The following GPC5 variants were observed in gnomAD, a reference collection of about 807,000 sequenced individuals.
GPC5 encodes glypican-5.
Under a neutral mutation model 53.9 loss-of-function variants are expected in GPC5, and 47 were observed. That is an observed-to-expected ratio of 0.87 (90% confidence interval 0.69 to 1.11). The LOEUF is 1.11. Among genes scored for constraint, GPC5 ranks in the 50% most tolerant of loss-of-function variants. The pLI, the probability that GPC5 is intolerant of heterozygous loss-of-function variation, is 0.00. For missense variants in GPC5, 748 were observed against 713.1 expected (o/e 1.05, Z -0.56); for synonymous variants, 286 against 263.3 (o/e 1.09, Z -0.84).
chr13:92,409,215 C>A (rs532329405), intron 7 of GPC5, among the ~76,000 whole-genome samples: 6 of 151,544 alleles, frequency 4.0e-5, no homozygotes, highest in African/African-American at 1.5e-4. Flanking sequence ...TAGGTAAGAA[C>A]GAAACCCCAG....
intron 7 of GPC5, among the ~76,000 whole-genome samples, chr13:92,804,948 C>T (rs1294114493): frequency 6.6e-6 from 1 of 152,018 alleles, no homozygotes; most frequent in Non-Finnish European, 1.5e-5. Context: ...TGAAGCAGCT[C>T]CTCATCCGCT....
intron 7 of GPC5, among the ~76,000 whole-genome samples, chr13:92,548,137 C>T (rs1187640618): frequency 1.3e-5 from 2 of 151,860 alleles, no homozygotes; most frequent in African/African-American, 4.8e-5. Context: ...CTGCGCCCGG[C>T]CATGGCTATT....
intron 7 of GPC5, among the ~76,000 whole-genome samples, chr13:92,200,293 C>T (rs964513935): frequency 4.3e-4 from 66 of 152,244 alleles, no homozygotes; most frequent in African/African-American, 1.5e-3. Context: ...CTATTGTGCT[C>T]TTACTTGATG....
chr13:92,515,659 A>G (rs373049), intron 7 of GPC5, among the ~76,000 whole-genome samples: 86,373 of 151,896 alleles, frequency 0.57, 25,305 homozygotes, highest in East Asian at 0.75. Context: ...AATGAATTGA[A>G]TCAATGAACC....
At chr13:92,731,200 A>G (rs1333846535) in intron 7 of GPC5, among the ~76,000 whole-genome samples, 4 of 151,526 alleles carry the variant, frequency 2.6e-5, no homozygotes, top group Admixed American at 6.6e-5. Context: ...TGCTTATATT[A>G]AGTAAAAACA....
At chr13:92,591,276 A>G (rs1883703594) in intron 7 of GPC5, among the ~76,000 whole-genome samples, 1 of 152,092 alleles carries the variant, frequency 6.6e-6, no homozygotes, top group African/African-American at 2.4e-5. Flanking sequence ...ATGACTGGGT[A>G]CATTGACTGG....
At chr13:92,068,965 TG>T (rs2041188692) in intron 6 of GPC5, among the ~76,000 whole-genome samples, 1 of 151,946 alleles carries the variant, frequency 6.6e-6, no homozygotes, top group Non-Finnish European at 1.5e-5. Context: ...TCTAAGGTCA[TG>T]AAGATTTTGC....
intron 7 of GPC5, among the ~76,000 whole-genome samples, chr13:92,640,581 T>C (rs1348461543): frequency 1.3e-5 from 2 of 152,052 alleles, no homozygotes; most frequent in Non-Finnish European, 2.9e-5. Flanking sequence ...TTAATACCTG[T>C]CCCTACTGAA....
chr13:91,819,836 A>G (rs2038462566), intron 5 of GPC5, among the ~76,000 whole-genome samples: 1 of 152,162 alleles, frequency 6.6e-6, no homozygotes, highest in Admixed American at 6.5e-5. Flanking sequence ...GCCTTTTGAT[A>G]TGGTTGTATC....
At chr13:92,243,773 T>TTGGGTTGTCTATAGATACTTTTTAA (rs1211579632) in intron 7 of GPC5, among the ~76,000 whole-genome samples, 9 of 152,244 alleles carry the variant, frequency 5.9e-5, no homozygotes, top group South Asian at 2.1e-4. Flanking sequence ...AAGATATAAA[T>TTGGGTTGTCTATAGATACTTTTTAA]TGGGTTGTCT....
intron 6 of GPC5, among the ~76,000 whole-genome samples, chr13:92,004,491 A>ATATATATATAG (rs1555303852): frequency 1.4e-5 from 1 of 69,768 alleles, no homozygotes; most frequent in Non-Finnish European, 2.9e-5. Context: ...TATATATATA[A>ATATATATATAG]TTACACTATA....
At chr13:91,437,657 G>A (rs1880087896) in intron 1 of GPC5, among the ~76,000 whole-genome samples, 1 of 152,090 alleles carries the variant, frequency 6.6e-6, no homozygotes, top group Admixed American at 6.5e-5. Flanking sequence ...TCTTCTCAAG[G>A]AGTATCTTTG....
intron 5 of GPC5, among the ~76,000 whole-genome samples, chr13:91,834,111 A>C (rs1398576099): frequency 6.6e-6 from 1 of 152,188 alleles, no homozygotes; most frequent in Non-Finnish European, 1.5e-5. Flanking sequence ...ACAAACACAC[A>C]GAGAGCCAAA....
At chr13:92,535,335 G>A (rs7998031) in intron 7 of GPC5, among the ~76,000 whole-genome samples, 5,288 of 152,120 alleles carry the variant, frequency 0.035, 260 homozygotes, top group African/African-American at 0.1. Flanking sequence ...TGCTTGCTGC[G>A]CAGAAAGGCA....
At chr13:92,807,330 A>ATATT (rs1241269199) in intron 7 of GPC5, among the ~76,000 whole-genome samples, 1 of 152,128 alleles carries the variant, frequency 6.6e-6, no homozygotes, top group Non-Finnish European at 1.5e-5. Context: ...ATCAAATTAC[A>ATATT]TATTATGGTT....
chr13:92,745,645 A>G (rs1889223463), intron 7 of GPC5, among the ~76,000 whole-genome samples: 1 of 152,096 alleles, frequency 6.6e-6, no homozygotes, highest in Non-Finnish European at 1.5e-5. Flanking sequence ...GCTTACCACT[A>G]TTATTCACTT....
At chr13:91,572,411 GGTTTAT>G (rs2031964260) in intron 2 of GPC5, among the ~76,000 whole-genome samples, 1 of 151,902 alleles carries the variant, frequency 6.6e-6, no homozygotes, top group Admixed American at 6.6e-5. Context: ...AAAGAAAAAA[GGTTTAT>G]TTGCTTCACA....
chr13:91,750,054 G>C (rs542330108), intron 4 of GPC5, among the ~76,000 whole-genome samples: 5 of 152,092 alleles, frequency 3.3e-5, no homozygotes, highest in Non-Finnish European at 7.3e-5. Context: ...AATTGATTCC[G>C]TCTGCCTCGG....
intron 7 of GPC5, among the ~76,000 whole-genome samples, chr13:92,171,714 G>A (rs75713509): frequency 0.013 from 1,913 of 152,180 alleles, 34 homozygotes; most frequent in African/African-American, 0.044. Context: ...TTCTCACTCT[G>A]TATTTTTCCT....
Sources: allele counts gnomAD v4.1 joint callset (sites outside exome capture counted in the v4.1 genomes callset), GRCh38; gene constraint gnomAD v4.1.1; transcripts MANE v1.5; gene names NCBI Gene and HGNC (gene_info 2026-07-23, HGNC 2026-07-21).